Variants in ARHGAP17 observed in about 807,000 individuals in gnomAD.
ARHGAP17 encodes Rho GTPase activating protein 17, also known as rho GTPase-activating protein 17.
ARHGAP17 carries 57 observed loss-of-function variants against 99.5 expected under a neutral mutation model. That is an observed-to-expected ratio of 0.57 (90% confidence interval 0.46 to 0.71). ARHGAP17 has a LOEUF of 0.71. Ranked by LOEUF, ARHGAP17 falls within the 30% of genes least tolerant of loss-of-function variation. ARHGAP17 has a pLI of 0.00. For missense variants in ARHGAP17, 1,000 were observed against 1,122.4 expected, an observed-to-expected ratio of 0.89 and a Z score of 1.56; for synonymous variants, 417 against 429.6, an observed-to-expected ratio of 0.97 and a Z score of 0.36.
intron 19 of ARHGAP17, among the ~76,000 whole-genome samples, chr16:24,929,142 T>C (rs2050915186): frequency 6.6e-6 from 1 of 151,128 alleles, no homozygotes; most frequent in East Asian, 1.9e-4. Context: ...ACCAAAAAGA[T>C]AGAAGATATT....
intron 6 of ARHGAP17, 112 bp downstream of exon 6, chr16:24,968,239 T>A (rs2052249784): frequency 3.2e-6 from 4 of 1,251,598 alleles, no homozygotes; most frequent in Non-Finnish European, 4.6e-6. Context: ...GCACCCAGTC[T>A]GGGGGTCAAA....
At chr16:24,943,091 T>C (rs868279759) in intron 15 of ARHGAP17, among the ~76,000 whole-genome samples, 1 of 152,180 alleles carries the variant, frequency 6.6e-6, no homozygotes, top group African/African-American at 2.4e-5. Flanking sequence ...GGATCCGGAA[T>C]TCCAACACTT....
chr16:24,953,597 G>A (rs746446231), intron 10 of ARHGAP17, among the ~76,000 whole-genome samples: 51 of 152,136 alleles, frequency 3.4e-4, no homozygotes, highest in South Asian at 8.3e-4. Flanking sequence ...TTCCCCTTCC[G>A]CCATGACTGT....
intron 9 of ARHGAP17, chr16:24,956,084 AT>A (rs2051799072): frequency 6.6e-6 from 1 of 152,204 alleles, no homozygotes; most frequent in Admixed American, 6.5e-5. Flanking sequence ...ATCTAAAGCA[AT>A]AAGTTACAAC....
chr16:24,958,396 C>A lies in ARHGAP17; in HGVS notation c.724+1275G>T, dbSNP rs141220665. ...GGGGCCCAGCCCACAGCAGATATCT[C>A]ATAAATATATTTTCTTGGTCCTCTG... On this transcript the variant is annotated intron_variant, in intron 9 of 19. Coordinates refer to ENST00000289968, the MANE Select transcript of ARHGAP17 (RefSeq NM_001006634.3). Among the ~76,000 whole-genome samples the A allele has an allele frequency of 1.1e-4, 16 of 152,288 alleles. No homozygotes were observed. In the East Asian group the frequency reaches 2.9e-3, roughly 28 times the overall value.
chr16:24,930,235 A>ATC (rs1358333505), intron 19 of ARHGAP17, among the ~76,000 whole-genome samples: 1 of 152,166 alleles, frequency 6.6e-6, no homozygotes, highest in Non-Finnish European at 1.5e-5. Flanking sequence ...GTGCCCTGAG[A>ATC]TCTCCCTTCT....
intron 6 of ARHGAP17, among the ~76,000 whole-genome samples, chr16:24,967,778 C>CA (rs940394750): frequency 0.17 from 10,198 of 58,538 alleles, 488 homozygotes; most frequent in Middle Eastern, 0.23. Flanking sequence ...GACCTTGACT[C>CA]AAAAAAAAAA....
chr16:24,941,071 T>G (rs1253372449), intron 16 of ARHGAP17, among the ~76,000 whole-genome samples: 1 of 152,182 alleles, frequency 6.6e-6, no homozygotes. Context: ...TACGTCTGCA[T>G]AGAATAAATG....
chr16:24,922,039 G>A (rs776860574), intron 19 of ARHGAP17, among the ~76,000 whole-genome samples: 1 of 152,212 alleles, frequency 6.6e-6, no homozygotes, highest in Non-Finnish European at 1.5e-5. Flanking sequence ...ATGGTTGGAT[G>A]GATGCATGAA....
At position 24,935,520 on chromosome 16, in the gene ARHGAP17, A is replaced by C. The variant is rs757353149; in HGVS notation, c.1844T>G (p.Met615Arg). 6.2e-7 allele frequency: 1 copy of C among 1,613,112 alleles called. No individual in the cohort carries two copies. The highest frequency in any genetic ancestry group is 1.1e-5 in the South Asian group (1 of 90,858). Residue 615 changes from methionine to arginine, a missense_variant, in exon 18 of 20, where the codon ATG (methionine) becomes AGG (arginine). By Grantham distance (91) the Met-to-Arg change is moderately conservative. Around this residue, in one of 2 missense-constraint regions of ARHGAP17, gnomAD observed 528 missense variants for 511.4 expected, o/e 1.03. Transcript: ENST00000289968. ...CCCTGCAGCATTGTGAGGTTGGCCC[A>C]TGGAGAGCTGGTGGGAGCCAGCAGC... ...QAAAGSHQLS[M>R]GQPHNAAGPS...
chr16:24,919,907 C>T lies in ARHGAP17; in HGVS notation c.*223G>A. ...GGATTTTTTTGGCATGATTTCCTTCCCATGTAAAGAAAGCCAACTTCTTCA... is the reference window on the plus strand; with the variant it reads ...GGATTTTTTTGGCATGATTTCCTTCTCATGTAAAGAAAGCCAACTTCTTCA... On this transcript the variant is annotated 3_prime_UTR_variant, in exon 20 of 20. Transcript: ENST00000289968. The T allele has an allele frequency of 1.0e-5, 5 of 489,144 alleles. No individual in the cohort carries two copies. The highest frequency in any genetic ancestry group is 1.7e-5 in the Non-Finnish European group (5 of 301,118). The allele number at this position is 489,144 out of a possible 1,614,324, so 30.3% of individuals were successfully genotyped here.
intron 1 of ARHGAP17, among the ~76,000 whole-genome samples, chr16:24,984,812 A>G (rs1034884306): frequency 2.0e-5 from 3 of 152,174 alleles, no homozygotes; most frequent in South Asian, 2.1e-4. Context: ...AGTAAAATCC[A>G]TAATGACTAA....
intron 1 of ARHGAP17, among the ~76,000 whole-genome samples, chr16:24,979,502 A>G (rs1362888874): frequency 2.0e-5 from 3 of 152,246 alleles, no homozygotes; most frequent in East Asian, 1.9e-4. Flanking sequence ...CACCACACAC[A>G]ATAACAATTA....
At chr16:24,956,248 T>C (rs2051805388) in intron 9 of ARHGAP17, 1 of 152,182 alleles carries the variant, frequency 6.6e-6, no homozygotes, top group Admixed American at 6.5e-5. Flanking sequence ...GCTGGAACTT[T>C]CTAGTAAACA....
chr16:24,934,625 T>A (rs1245728574), intron 18 of ARHGAP17, among the ~76,000 whole-genome samples: 1 of 152,042 alleles, frequency 6.6e-6, no homozygotes, highest in African/African-American at 2.4e-5. Context: ...AGATAATTTT[T>A]AAAATTTTTT....
intron 6 of ARHGAP17, among the ~76,000 whole-genome samples, chr16:24,966,608 T>C (rs1157818168): frequency 1.3e-5 from 2 of 151,702 alleles, no homozygotes; most frequent in Non-Finnish European, 2.9e-5. Context: ...TCCAGCCTGG[T>C]TGACAGAGAG....
intron 19 of ARHGAP17, among the ~76,000 whole-genome samples, chr16:24,922,545 T>G (rs1176708992): frequency 6.6e-6 from 1 of 152,136 alleles, no homozygotes; most frequent in Non-Finnish European, 1.5e-5. Context: ...CCAGCCCCTC[T>G]CTATTCCTAC....
intron 16 of ARHGAP17, chr16:24,939,971 T>C (rs2051266470): frequency 3.7e-6 from 1 of 267,924 alleles, no homozygotes; most frequent in South Asian, 3.7e-5. Context: ...TGCTTGGCAC[T>C]CCAGTGGAGC....
intron 6 of ARHGAP17, among the ~76,000 whole-genome samples, chr16:24,965,544 C>A (rs1038857121): frequency 3.3e-5 from 5 of 152,136 alleles, no homozygotes; most frequent in African/African-American, 1.2e-4. Flanking sequence ...GCTGCAGTGC[C>A]CCAAAATGCT....
Sources: allele counts gnomAD v4.1 joint callset (sites outside exome capture counted in the v4.1 genomes callset), GRCh38; gene constraint gnomAD v4.1.1; regional missense constraint gnomAD v4.1.1; transcripts MANE v1.5; gene names NCBI Gene and HGNC (gene_info 2026-07-23, HGNC 2026-07-21).